ANKRD12: variants seen among roughly 807,000 people sequenced by gnomAD.
ANKRD12 encodes the protein ankyrin repeat domain 12, also known as ankyrin repeat domain-containing protein 12.
In ANKRD12, 85 loss-of-function variants were observed where a neutral mutation model predicts 183.4. The observed-to-expected ratio is 0.46, with a 90% CI of 0.39 to 0.56. ANKRD12 has a LOEUF of 0.56. Among genes scored for constraint, ANKRD12 ranks in the 20% least tolerant of loss-of-function variants. The pLI is 0.00. For synonymous variants in ANKRD12, 914 were observed against 800.2 expected (o/e 1.14, Z -2.40); for missense variants, 2,405 against 2,357.1 (o/e 1.02, Z -0.42).
At chr18:9,247,068 G>A (rs2038003243) in intron 8 of ANKRD12, among the ~76,000 whole-genome samples, 1 of 152,174 alleles carries the variant, frequency 6.6e-6, no homozygotes, top group Admixed American at 6.5e-5. Flanking sequence ...TTTGAAGTGT[G>A]CCAAGACAGT....
intron 2 of ANKRD12, among the ~76,000 whole-genome samples, chr18:9,190,648 A>G (rs1598500590): frequency 6.6e-6 from 1 of 152,186 alleles, no homozygotes; most frequent in East Asian, 1.9e-4. Flanking sequence ...CCAACCATCA[A>G]AAATTGTCCT....
chr18:9,216,312 C>T (rs1567926560), intron 6 of ANKRD12, among the ~76,000 whole-genome samples: 2 of 151,992 alleles, frequency 1.3e-5, no homozygotes, highest in African/African-American at 4.8e-5. Flanking sequence ...TTTGATGATC[C>T]ACTTCTACTT....
chr18:9,216,751 A>T lies in ANKRD12; in HGVS notation c.653-7A>T. 6.2e-7 allele frequency: 1 copy of T among 1,611,044 alleles called. No individual in the cohort carries two copies. The highest frequency in any genetic ancestry group is 2.2e-5 in the East Asian group (1 of 44,808). ...TGAATCATGTTAAATTAATAATCTA[A>T]CTTTAGGTTGGACACCACTGCATGA... is the stretch of plus-strand genomic sequence containing the variant. On this transcript the variant is annotated splice_region_variant and splice_polypyrimidine_tract_variant and intron_variant, in intron 6 of 12. Coordinates refer to ENST00000262126, the MANE Select transcript of ANKRD12 (RefSeq NM_015208.5).
Position 9,256,040 on chromosome 18 carries a change from A to G in ANKRD12, c.2773A>G (p.Ser925Gly). The change falls in exon 9 of 13, where the codon AGC becomes GGC. Residue 925 changes from serine (S) to glycine (G), a missense_variant. Ser to Gly is a moderately conservative substitution (Grantham distance 56). This residue lies in a region of ANKRD12 where 1,983 missense variants were observed against 1,725.9 expected (regional missense o/e 1.15). Coordinates refer to ENST00000262126, the MANE Select transcript of ANKRD12 (RefSeq NM_015208.5). ...KPEKERHLAE[S>G]KEKHLMEKKN... ...TGAAAAAGAGAGGCATCTAGCAGAA[A>G]GCAAAGAAAAGCACTTGATGGAGAA... 6.4e-7 allele frequency: 1 copy of G among 1,561,142 alleles called. No individual in the cohort carries two copies. Among genetic ancestry groups the G allele is most frequent in the South Asian group, 1.2e-5 (1 of 81,418 alleles).
chr18:9,187,499 T>C (rs2144274252), intron 2 of ANKRD12, among the ~76,000 whole-genome samples: 1 of 152,362 alleles, frequency 6.6e-6, no homozygotes, highest in East Asian at 1.9e-4. Context: ...TATGAGGTCC[T>C]AAATTAATAA....
chr18:9,160,928 G>T (rs761379340), intron 1 of ANKRD12, among the ~76,000 whole-genome samples: 1 of 152,162 alleles, frequency 6.6e-6, no homozygotes, highest in Non-Finnish European at 1.5e-5. Flanking sequence ...TAGATTTCAG[G>T]TAAATTTAAT....
intron 8 of ANKRD12, among the ~76,000 whole-genome samples, chr18:9,247,666 C>G (rs951598088): frequency 6.6e-6 from 1 of 151,518 alleles, no homozygotes; most frequent in African/African-American, 2.4e-5. Context: ...TAGATATTCC[C>G]CCTCCTTTCT....
At chr18:9,232,000 A>G (rs1384751344) in intron 8 of ANKRD12, among the ~76,000 whole-genome samples, 2 of 152,106 alleles carry the variant, frequency 1.3e-5, no homozygotes, top group Admixed American at 6.6e-5. Flanking sequence ...TTACCCATTC[A>G]GCTAGTCTGT....
intron 1 of ANKRD12, among the ~76,000 whole-genome samples, chr18:9,138,656 A>G (rs1238279379): frequency 3.3e-5 from 5 of 152,252 alleles, no homozygotes; most frequent in Non-Finnish European, 1.5e-5. Flanking sequence ...GGCAGAACAT[A>G]TGCTCTATTG....
At chr18:9,178,784 A>G (rs1215439182) in intron 1 of ANKRD12, among the ~76,000 whole-genome samples, 5 of 152,190 alleles carry the variant, frequency 3.3e-5, no homozygotes, top group African/African-American at 2.4e-5. Context: ...ATTCATGAGC[A>G]TGGCATATCT....
chr18:9,195,984 T>C (rs1274371494), intron 3 of ANKRD12, among the ~76,000 whole-genome samples: 1 of 152,114 alleles, frequency 6.6e-6, no homozygotes, highest in Non-Finnish European at 1.5e-5. Context: ...TAAAAATTAC[T>C]CAGTGATAAG....
intron 1 of ANKRD12, among the ~76,000 whole-genome samples, chr18:9,171,307 G>A (rs1160026025): frequency 6.6e-6 from 1 of 152,096 alleles, no homozygotes; most frequent in Non-Finnish European, 1.5e-5. Context: ...GTTCCTATTC[G>A]GCCATCTTGG....
intron 10 of ANKRD12, among the ~76,000 whole-genome samples, chr18:9,270,153 A>G (rs2039516140): frequency 6.6e-6 from 1 of 152,228 alleles, no homozygotes; most frequent in South Asian, 2.1e-4. Context: ...GAATACTTTT[A>G]CACTGTTGGT....
intron 8 of ANKRD12, among the ~76,000 whole-genome samples, chr18:9,224,105 A>G (rs898842478): frequency 1.3e-5 from 2 of 152,260 alleles, no homozygotes; most frequent in African/African-American, 4.8e-5. Flanking sequence ...AAGATTAACT[A>G]GAACATCTAG....
chr18:9,238,992 C>T (rs1040886155), intron 8 of ANKRD12, among the ~76,000 whole-genome samples: 2 of 152,054 alleles, frequency 1.3e-5, no homozygotes, highest in African/African-American at 4.8e-5. Context: ...CATGGTGGCA[C>T]GCACCAGGAG....
At chr18:9,164,687 A>G (rs920945232) in intron 1 of ANKRD12, among the ~76,000 whole-genome samples, 2 of 152,118 alleles carry the variant, frequency 1.3e-5, no homozygotes, top group Non-Finnish European at 2.9e-5. Flanking sequence ...TTCAGTTTAC[A>G]TGTAGTTATG....
intron 10 of ANKRD12, among the ~76,000 whole-genome samples, chr18:9,268,083 C>T (rs1365141719): frequency 1.2e-4 from 18 of 152,262 alleles, no homozygotes; most frequent in Admixed American, 8.5e-4. Flanking sequence ...AGTTGAATCT[C>T]TGAATAGACC....
rs777890796 is a variant in ANKRD12, at chr18:9,257,513, A to G, written c.4246A>G (p.Asn1416Asp). Residue 1416 changes from asparagine (N) to aspartate (D), a missense_variant, in exon 9 of 13, where the codon AAT becomes GAT. Physicochemically the swap from Asn to Asp is conservative, Grantham distance 23. Coordinates refer to ENST00000262126, the MANE Select transcript of ANKRD12 (RefSeq NM_015208.5). ...EPSSQVGVIQ[N>D]KSWEMPVDRL... ...ATCTAGTCAGGTTGGTGTGATCCAGAATAAATCATGGGAGATGCCTGTTGA... is the reference window on the plus strand; with the variant it reads ...ATCTAGTCAGGTTGGTGTGATCCAGGATAAATCATGGGAGATGCCTGTTGA... The G allele has an allele frequency of 1.9e-6, 3 of 1,614,116 alleles. No individual in the cohort carries two copies. The highest frequency in any genetic ancestry group is 1.1e-5 in the South Asian group (1 of 91,082).
chr18:9,238,301 C>G (rs769670154), intron 8 of ANKRD12, among the ~76,000 whole-genome samples: 1 of 152,162 alleles, frequency 6.6e-6, no homozygotes, highest in Admixed American at 6.5e-5. Context: ...CATACTCTCT[C>G]AAGTAAATTT....
Sources: allele counts gnomAD v4.1 joint callset (sites outside exome capture counted in the v4.1 genomes callset), GRCh38; gene constraint gnomAD v4.1.1; regional missense constraint gnomAD v4.1.1; transcripts MANE v1.5; gene names NCBI Gene and HGNC (gene_info 2026-07-23, HGNC 2026-07-21).